PDCD10: variants seen among roughly 807,000 people sequenced by gnomAD.
The protein encoded by PDCD10 is programmed cell death 10, also known as programmed cell death protein 10.
In PDCD10, 4 loss-of-function variants were observed where a neutral mutation model predicts 29.2. The observed-to-expected ratio is 0.14, with a 90% CI of 0.07 to 0.31. PDCD10 has a LOEUF of 0.31. PDCD10 is among the 10% of genes least tolerant of loss of function. The probability of loss-of-function intolerance (pLI) is 1.00; values close to 1 mark genes in which losing one functional copy is unlikely to be tolerated. For missense variants in PDCD10, 183 were observed against 257.9 expected (o/e 0.71, Z 1.99); for synonymous variants, 70 against 82.2 (o/e 0.85, Z 0.80).
chr3:167,684,337 T>A lies in PDCD10; in HGVS notation c.610A>T (p.Ile204Leu), dbSNP rs1468719441. 7 of 1,606,178 alleles carry A rather than the reference T, an allele frequency of 4.4e-6. No homozygotes were observed. Among genetic ancestry groups the A allele is most frequent in the Non-Finnish European group, 6.0e-6 (7 of 1,173,066 alleles). Residue 204 changes from isoleucine to leucine, a missense_variant, in exon 9 of 9, where the codon ATA becomes TTA. By Grantham distance (5) the Ile-to-Leu change is conservative. Transcript: ENST00000392750. ...GCCACAGTTTTGAAGGTCTGAAGTA[T>A]TAAGTTGGTTTGATGAATTAGTCGG... ...ANRLIHQTNL[I>L]LQTFKTVA is the part of the protein sequence containing the mutation.
intron 8 of PDCD10, among the ~76,000 whole-genome samples, chr3:167,685,839 T>C (rs1197175136): frequency 6.6e-6 from 1 of 152,174 alleles, no homozygotes; most frequent in African/African-American, 2.4e-5. Flanking sequence ...AACTAAGTCA[T>C]CAAGGAGCAT....
At chr3:167,703,257 C>T (rs886180460) in intron 4 of PDCD10, among the ~76,000 whole-genome samples, 2 of 151,846 alleles carry the variant, frequency 1.3e-5, no homozygotes, top group East Asian at 1.9e-4. Flanking sequence ...CAAACTGACA[C>T]TCAAAGAAGA....
At position 167,684,158 on chromosome 3, in the gene PDCD10, A is replaced by G. The variant is rs1297701879; in HGVS notation, c.*150T>C. The G allele has an allele frequency of 1.7e-6, 1 of 598,358 alleles. No homozygotes were observed. The highest frequency in any genetic ancestry group is 1.9e-5 in the African/African-American group (1 of 53,936). 37.1% of individuals were successfully genotyped at this position (598,358 alleles called of 1,614,324 possible). On this transcript the variant is annotated 3_prime_UTR_variant, in exon 9 of 9. Transcript: ENST00000392750. ...TGATTAAGCTACATTTTACAAAAATATGGTGTAAGATGGCAATAATCCCAT... is the reference window on the plus strand; with the variant it reads ...TGATTAAGCTACATTTTACAAAAATGTGGTGTAAGATGGCAATAATCCCAT...
chr3:167,714,169 A>G (rs1480745977), intron 3 of PDCD10, among the ~76,000 whole-genome samples: 1 of 152,098 alleles, frequency 6.6e-6, no homozygotes, highest in Non-Finnish European at 1.5e-5. Context: ...ATTCAACAAT[A>G]CATTAGAAAG....
At chr3:167,714,375 C>T (rs752167163) in intron 3 of PDCD10, among the ~76,000 whole-genome samples, 20 of 151,432 alleles carry the variant, frequency 1.3e-4, no homozygotes, top group Admixed American at 3.3e-4. Context: ...CTTTCCTCTA[C>T]GATGTGGTAA....
intron 3 of PDCD10, among the ~76,000 whole-genome samples, chr3:167,711,286 G>A (rs1424974708): frequency 1.3e-5 from 2 of 152,118 alleles, no homozygotes; most frequent in African/African-American, 4.8e-5. Flanking sequence ...ATAACACAGA[G>A]AAAGAATTCA....
At chr3:167,706,994 G>C (rs1231418324) in intron 3 of PDCD10, among the ~76,000 whole-genome samples, 1 of 152,140 alleles carries the variant, frequency 6.6e-6, no homozygotes, top group Non-Finnish European at 1.5e-5. Flanking sequence ...CACTCTTCCA[G>C]ACTGGAGTCC....
chr3:167,700,534 C>A (rs1353473337), intron 4 of PDCD10, among the ~76,000 whole-genome samples: 1 of 151,654 alleles, frequency 6.6e-6, no homozygotes, highest in Non-Finnish European at 1.5e-5. Context: ...GCAGCTACAT[C>A]AGCAGGTACA....
intron 6 of PDCD10, among the ~76,000 whole-genome samples, chr3:167,693,424 C>T (rs749967190): frequency 1.3e-5 from 2 of 152,306 alleles, no homozygotes; most frequent in Non-Finnish European, 2.9e-5. Flanking sequence ...GTACCAGTAC[C>T]TTCAAATGTT....
chr3:167,700,736 T>C (rs565446796), intron 4 of PDCD10, among the ~76,000 whole-genome samples: 3 of 152,300 alleles, frequency 2.0e-5, no homozygotes, highest in South Asian at 4.1e-4. Flanking sequence ...CAGCCAAGGA[T>C]AGTTTGATAA....
At chr3:167,728,883 T>C (rs747244841) in intron 2 of PDCD10, among the ~76,000 whole-genome samples, 3 of 152,216 alleles carry the variant, frequency 2.0e-5, no homozygotes, top group Admixed American at 6.5e-5. Context: ...ACACTGCCAC[T>C]TGGCATTAAC....
chr3:167,696,744 A>C (rs1030611779), intron 5 of PDCD10, among the ~76,000 whole-genome samples: 12 of 152,162 alleles, frequency 7.9e-5, no homozygotes, highest in African/African-American at 2.2e-4. Flanking sequence ...CACCAAACAT[A>C]AAGGGGGGAA....
At chr3:167,684,478 ATTTT>A in intron 8 of PDCD10, 89 bp from the exon 9 acceptor site, 1 of 723,034 alleles carries the variant, frequency 1.4e-6, no homozygotes, top group Admixed American at 2.1e-5. Context: ...AATGGAATCA[ATTTT>A]AGAAAAAAAA....
At chr3:167,731,783 T>C (rs1724840190) in intron 2 of PDCD10, among the ~76,000 whole-genome samples, 1 of 151,982 alleles carries the variant, frequency 6.6e-6, no homozygotes, top group Non-Finnish European at 1.5e-5. Context: ...CACAAAGGAG[T>C]ACAGAGTATG....
chr3:167,689,711 G>A (rs1227770383), intron 6 of PDCD10, among the ~76,000 whole-genome samples: 4 of 152,144 alleles, frequency 2.6e-5, no homozygotes, highest in Non-Finnish European at 5.9e-5. Flanking sequence ...CTGCTGATGA[G>A]TCAGGTTTGA....
In PDCD10 at chr3:167,720,197, C is replaced by A; in HGVS notation, c.-40G>T. ...CAGTTGAAAAAGCAGTGCTAAAATGCAGAGGAATCTTCATTCACTGCAATA... is the reference window on the plus strand; with the variant it reads ...CAGTTGAAAAAGCAGTGCTAAAATGAAGAGGAATCTTCATTCACTGCAATA... On this transcript the variant is annotated 5_prime_UTR_variant, in exon 3 of 9. Transcript: ENST00000392750. The A allele has an allele frequency of 7.7e-7, 1 of 1,305,904 alleles. No homozygotes were observed. The allele number at this position is 1,305,904 out of a possible 1,614,324, so 80.9% of individuals were successfully genotyped here.
intron 3 of PDCD10, among the ~76,000 whole-genome samples, chr3:167,708,464 T>C (rs1231888633): frequency 6.6e-6 from 1 of 152,206 alleles, no homozygotes; most frequent in Non-Finnish European, 1.5e-5. Flanking sequence ...GATTTTTCCA[T>C]GTTCACGCCC....
intron 3 of PDCD10, among the ~76,000 whole-genome samples, chr3:167,707,762 T>C (rs1722129086): frequency 6.6e-6 from 1 of 152,156 alleles, no homozygotes. Context: ...GTGCATACAC[T>C]GTATTTTGGG....
chr3:167,710,247 C>T (rs1722397091), intron 3 of PDCD10, among the ~76,000 whole-genome samples: 2 of 152,090 alleles, frequency 1.3e-5, no homozygotes. Context: ...TTAGGTACCA[C>T]TTTGGATCTT....
Sources: allele counts gnomAD v4.1 joint callset (sites outside exome capture counted in the v4.1 genomes callset), GRCh38; gene constraint gnomAD v4.1.1; transcripts MANE v1.5; gene names NCBI Gene and HGNC (gene_info 2026-07-23, HGNC 2026-07-21).